The following PTP4A3 variants were observed in gnomAD, a reference collection of about 807,000 sequenced individuals.
PTP4A3 encodes protein tyrosine phosphatase 4A3, also known as protein tyrosine phosphatase type IVA 3.
In PTP4A3, 9 loss-of-function variants were observed where a neutral mutation model predicts 15.2. That is an observed-to-expected ratio of 0.59 (90% CI 0.36 to 1.03). PTP4A3 has a LOEUF of 1.03. Among genes scored for constraint, PTP4A3 ranks in the 50% least tolerant of loss-of-function variants. The pLI is 0.02. For missense variants in PTP4A3, 234 were observed against 252.1 expected, an observed-to-expected ratio of 0.93 and a Z score of 0.49; for synonymous variants, 95 against 102.0, an observed-to-expected ratio of 0.93 and a Z score of 0.41.
chr8:141,422,125 A>G lies in PTP4A3; in HGVS notation c.-116A>G. The G allele has an allele frequency of 1.0e-6, 1 of 969,480 alleles. No homozygotes were observed. The highest frequency in any genetic ancestry group is 1.6e-6 in the Non-Finnish European group (1 of 629,530). 60.1% of individuals were successfully genotyped at this position (969,480 alleles called of 1,614,324 possible). A position where few individuals can be genotyped will look rare whatever the true frequency, so the allele number is the denominator to read the frequency against. On this transcript the variant is annotated 5_prime_UTR_variant, in exon 2 of 6. Transcript: ENST00000521578. Reference sequence around the variant, plus strand: ...GGTTTTTAAATCTCGTTTCTCTTGGACAAGCACAGGGATCTCGTTCTCCTC... The same window carrying G: ...GGTTTTTAAATCTCGTTTCTCTTGGGCAAGCACAGGGATCTCGTTCTCCTC...
At chr8:141,418,109 C>CG (rs1014903373) in intron 1 of PTP4A3, among the ~76,000 whole-genome samples, 1 of 151,972 alleles carries the variant, frequency 6.6e-6, no homozygotes, top group Non-Finnish European at 1.5e-5. Flanking sequence ...GAGGGCTGGG[C>CG]GGGAGCCCCG....
chr8:141,395,040 C>T (rs1360579216), intron 1 of PTP4A3, among the ~76,000 whole-genome samples: 1 of 152,206 alleles, frequency 6.6e-6, no homozygotes, highest in Non-Finnish European at 1.5e-5. Context: ...TCCTTCCACC[C>T]AGGAGCCTGA....
In PTP4A3 at chr8:141,425,015, C is replaced by G; in HGVS notation, c.106-33C>G. ...GCCCCCTGAGCCCTGCAGCCCCAGC[C>G]CAGCCCTGCCTCCTCCGTCCTCCCA... On this transcript the variant is annotated intron_variant, in intron 2 of 5. Transcript: ENST00000521578. The surrounding 1 kb of genome is among the most constrained non-coding windows in gnomAD (Gnocchi z 4.2). 2 of 1,577,834 alleles carry G rather than the reference C, an allele frequency of 1.3e-6. No individual in the cohort carries two copies. The highest frequency in any genetic ancestry group is 1.7e-6 in the Non-Finnish European group (2 of 1,150,202).
intron 1 of PTP4A3, among the ~76,000 whole-genome samples, chr8:141,420,364 C>A (rs1833271228): frequency 6.6e-6 from 1 of 152,132 alleles, no homozygotes; most frequent in African/African-American, 2.4e-5. Context: ...TCATCGTGCT[C>A]ATGGGGTAAC....
intron 1 of PTP4A3, among the ~76,000 whole-genome samples, chr8:141,407,100 C>T (rs534122036): frequency 2.6e-5 from 4 of 152,170 alleles, no homozygotes; most frequent in Non-Finnish European, 5.9e-5. Context: ...CCCTGACCTG[C>T]CCAGCATCCT....
chr8:141,422,715 C>T (rs1346635756), intron 2 of PTP4A3, among the ~76,000 whole-genome samples: 6 of 152,108 alleles, frequency 3.9e-5, no homozygotes. Context: ...CTTTGCTGTC[C>T]CAGATGTTGC....
intron 1 of PTP4A3, among the ~76,000 whole-genome samples, chr8:141,413,886 T>A (rs1024819419): frequency 6.6e-6 from 1 of 150,520 alleles, no homozygotes; most frequent in Non-Finnish European, 1.5e-5. Context: ...CAGGAGGACA[T>A]GGAGGATTCA....
intron 1 of PTP4A3, among the ~76,000 whole-genome samples, chr8:141,412,925 T>G (rs1046261543): frequency 1.3e-5 from 2 of 152,216 alleles, no homozygotes; most frequent in Non-Finnish European, 2.9e-5. Context: ...CCAGGCCCAG[T>G]GGGCTCAGGG....
chr8:141,405,964 GA>G (rs759159263), intron 1 of PTP4A3, among the ~76,000 whole-genome samples: 6 of 152,204 alleles, frequency 3.9e-5, no homozygotes, highest in Admixed American at 6.5e-5. Flanking sequence ...CAGATGAGGA[GA>G]GGGGAGTGGT....
At chr8:141,417,718 C>T (rs1199556524) in intron 1 of PTP4A3, among the ~76,000 whole-genome samples, 6 of 152,020 alleles carry the variant, frequency 3.9e-5, no homozygotes, top group African/African-American at 1.4e-4. Context: ...CTCGCCGCGC[C>T]CCGCACTTCC....
At position 141,427,764 on chromosome 8, in the gene PTP4A3, T is replaced by C. The variant is rs897890788; in HGVS notation, c.344T>C (p.Val115Ala). The C allele has an allele frequency of 2.6e-6, 4 of 1,551,130 alleles. No individual in the cohort carries two copies. The African/African-American group carries it at 5.5e-5, about 21-fold the overall frequency. Residue 115 changes from valine (V) to alanine (A), a missense_variant, in exon 5 of 6, where the codon GTG (valine) becomes GCG (alanine). By Grantham distance (64) the Val-to-Ala change is moderately conservative (BLOSUM62 0). Coordinates refer to ENST00000521578, the MANE Select transcript of PTP4A3 (RefSeq NM_032611.3). The stretch of plus-strand genomic sequence containing the variant: ...TTTGCCCCCAGGGCTCCAGTCCTTG[T>C]GGCGCTGGCCCTTATTGAGAGCGGG... ...VAGLGRAPVL[V>A]ALALIESGMK...
At chr8:141,408,657 T>TA (rs758945585) in intron 1 of PTP4A3, among the ~76,000 whole-genome samples, 113 of 152,116 alleles carry the variant, frequency 7.4e-4, no homozygotes, top group Admixed American at 2.0e-3. Context: ...TTTCATGTGT[T>TA]ATGAATTTTA....
chr8:141,417,533 A>G (rs965424867), intron 1 of PTP4A3, among the ~76,000 whole-genome samples: 10 of 151,946 alleles, frequency 6.6e-5, no homozygotes, highest in Admixed American at 2.6e-4. Context: ...AGGCCTCCCC[A>G]CCAGGAGCGC....
At position 141,422,418 on chromosome 8, in the gene PTP4A3, C is replaced by T. The variant is rs1015062680; in HGVS notation, c.105+73C>T. 4 of 1,536,798 alleles carry T rather than the reference C, an allele frequency of 2.6e-6. No homozygotes were observed. In the African/African-American group the frequency reaches 4.1e-5, roughly 16 times the overall value. ...AAGCCCGGCTGAGCTGCCCTCAGGC[C>T]TCGCAAGAGGGGTCCCCAGCCCCGG... On this transcript the variant is annotated intron_variant, in intron 2 of 5. Transcript: ENST00000521578.
At chr8:141,426,626 C>T (rs1833588343) in intron 3 of PTP4A3, 1 of 985,280 alleles carries the variant, frequency 1.0e-6, no homozygotes, top group Non-Finnish European at 1.2e-6. Flanking sequence ...CTCGGGCTGA[C>T]AGGTGTGGGG....
chr8:141,399,912 T>G (rs1484594048), intron 1 of PTP4A3, among the ~76,000 whole-genome samples: 1 of 152,184 alleles, frequency 6.6e-6, no homozygotes, highest in Non-Finnish European at 1.5e-5. Flanking sequence ...GTAGTTATTG[T>G]TTTCTCTTTT....
At chr8:141,404,641 C>T (rs573056068) in intron 1 of PTP4A3, among the ~76,000 whole-genome samples, 16 of 152,264 alleles carry the variant, frequency 1.1e-4, no homozygotes, top group African/African-American at 3.4e-4. Context: ...ACAGAATGGA[C>T]GGGTCCTTGG....
chr8:141,398,149 C>G (rs991089149), intron 1 of PTP4A3, among the ~76,000 whole-genome samples: 2 of 152,188 alleles, frequency 1.3e-5, no homozygotes, highest in African/African-American at 4.8e-5. Flanking sequence ...AGCCAGTGCT[C>G]AGGGTTTATT....
chr8:141,431,921 G>T lies in PTP4A3; in HGVS notation c.*877G>T, dbSNP rs1446290849. ...TTTCCGGCTCCGAGGCGCAGAGAAG[G>T]GGGCAGGTGGTGGCTTGGGTGGAGG... On this transcript the variant is annotated 3_prime_UTR_variant, in exon 6 of 6. Coordinates refer to ENST00000521578, the MANE Select transcript of PTP4A3 (RefSeq NM_032611.3). The T allele has an allele frequency of 6.6e-6, 1 of 152,404 alleles. No homozygotes were observed. Among genetic ancestry groups the T allele is most frequent in the Non-Finnish European group, 1.5e-5 (1 of 68,126 alleles). The allele number at this position is 152,404 out of a possible 1,614,324, so 9.4% of individuals were successfully genotyped here.
Sources: allele counts gnomAD v4.1 joint callset (sites outside exome capture counted in the v4.1 genomes callset), GRCh38; gene constraint gnomAD v4.1.1; non-coding constraint Gnocchi (gnomAD v3.1); transcripts MANE v1.5; gene names NCBI Gene and HGNC (gene_info 2026-07-23, HGNC 2026-07-21).